NEB: variants seen among roughly 807,000 people sequenced by gnomAD.
NEB encodes the protein nebulin, also known as nemaline myopathy type 2.
In NEB, 512 loss-of-function variants were observed where a neutral mutation model predicts 952.2. The observed-to-expected ratio is 0.54, with a 90% CI of 0.50 to 0.58. The LOEUF is 0.58. Ranked by LOEUF, NEB falls within the 20% of genes least tolerant of loss-of-function variation. The pLI, the probability that NEB is intolerant of heterozygous loss-of-function variation, is 0.00. For missense variants in NEB, 8,428 were observed against 9,231.1 expected (o/e 0.91, Z 3.56); for synonymous variants, 2,900 against 3,149.8 (o/e 0.92, Z 2.66).
chr2:151,721,766 A>G (rs1237921931), intron 9 of NEB, among the ~76,000 whole-genome samples: 2 of 152,238 alleles, frequency 1.3e-5, no homozygotes, highest in Non-Finnish European at 2.9e-5. Flanking sequence ...GCCATGTAAC[A>G]ATATTGTGAA....
intron 124 of NEB, among the ~76,000 whole-genome samples, chr2:151,560,277 G>A (rs1045937804): frequency 2.0e-5 from 3 of 152,106 alleles, no homozygotes; most frequent in African/African-American, 2.4e-5. Context: ...GTCTATTTCT[G>A]TAAGGTGTAT....
rs753180567 is a variant in NEB, at chr2:151,541,461, T to C, written c.20668A>G (p.Lys6890Glu). ...TCTGAGCTTACCTGACTCTGAAGCT[T>C]CTGCCCTCGCTTGGCTCTTAAAAGA... ...PDLLRAKRGQ[K>E]LQSQYLYVEL... The change falls in exon 136 of 182, where the codon AAG (lysine) becomes GAG (glutamate). Residue 6890 changes from lysine to glutamate, a missense_variant. Transcript: ENST00000397345. 1 of 1,612,566 alleles carries C rather than the reference T, an allele frequency of 6.2e-7. No individual in the cohort carries two copies. Among genetic ancestry groups the C allele is most frequent in the Non-Finnish European group, 8.5e-7 (1 of 1,179,140 alleles).
At position 151,497,736 on chromosome 2, in the gene NEB, A is replaced by C; in HGVS notation, c.24208-18T>G. The C allele has an allele frequency of 6.4e-7, 1 of 1,561,214 alleles. No homozygotes were observed. On this transcript the variant is annotated intron_variant, in intron 170 of 181. Coordinates refer to ENST00000397345, the MANE Select transcript of NEB (RefSeq NM_001164508.2). ...TATAACACCTGTGCGATAAGAAAGC[A>C]TCCAGAAAAACAACCATGAGTAACA...
chr2:151,567,374 GA>G lies in NEB; in HGVS notation c.17949del (p.Gln5984ArgfsTer93). On this transcript the variant is annotated frameshift_variant, in exon 114 of 182. Transcript: ENST00000397345. LOFTEE classifies it high-confidence loss of function. ...TCCTCTTTGTATAGTCTCTCATTCT[GA>G]ATCTGGCCTGCATGCTCAAACCAAA... is the stretch of plus-strand genomic sequence containing the variant. ...KLVWFEHAGQ[I>X]QNERLYKEDY... is the part of the protein sequence containing the mutation. 1 of 1,613,834 alleles carries G rather than the reference GA, an allele frequency of 6.2e-7. No individual in the cohort carries two copies. The highest frequency in any genetic ancestry group is 1.1e-5 in the South Asian group (1 of 91,082).
intron 161 of NEB, among the ~76,000 whole-genome samples, chr2:151,511,227 T>C (rs1193893381): frequency 1.3e-5 from 2 of 152,194 alleles, no homozygotes; most frequent in African/African-American, 2.4e-5. Flanking sequence ...ACATGGTAAT[T>C]TGGAGCCCAT....
At chr2:151,628,633 G>A (rs1243435269) in intron 68 of NEB, among the ~76,000 whole-genome samples, 1 of 152,072 alleles carries the variant, frequency 6.6e-6, no homozygotes, top group Admixed American at 6.6e-5. Context: ...CTGAGGTCAG[G>A]AGTTTGAGAC....
At chr2:151,622,227 T>A (rs1343204912) in intron 71 of NEB, among the ~76,000 whole-genome samples, 1 of 152,086 alleles carries the variant, frequency 6.6e-6, no homozygotes, top group Admixed American at 6.6e-5. Flanking sequence ...ACTCAAGTGA[T>A]CCCTCCTGCC....
chr2:151,653,592 T>C (rs547028423), intron 52 of NEB, among the ~76,000 whole-genome samples: 1 of 152,346 alleles, frequency 6.6e-6, no homozygotes, highest in Admixed American at 6.5e-5. Context: ...TTTTAAAATA[T>C]GTGCATATAA....
chr2:151,547,404 A>G (rs1312602829), intron 133 of NEB, 25 bp downstream of exon 133: 1 of 1,542,554 alleles, frequency 6.5e-7, no homozygotes, highest in Middle Eastern at 1.7e-4. Context: ...AGACTACTCC[A>G]GAAAGACCCC....
chr2:151,514,955 G>C, intron 157 of NEB, 27 bp from the exon 158 acceptor site: 2 of 1,404,502 alleles, frequency 1.4e-6, no homozygotes, highest in Non-Finnish European at 2.0e-6. Context: ...GGAAAGACAA[G>C]TTAAAAAAAA....
chr2:151,692,631 A>T (rs1420587361), intron 20 of NEB, among the ~76,000 whole-genome samples: 2 of 152,078 alleles, frequency 1.3e-5, no homozygotes, highest in African/African-American at 4.8e-5. Flanking sequence ...GTCTTTTTTT[A>T]AATAATTTTT....
chr2:151,519,831 T>G, intron 153 of NEB, 63 bp from the exon 154 acceptor site: 1 of 1,089,610 alleles, frequency 9.2e-7, no homozygotes, highest in Non-Finnish European at 1.4e-6. Flanking sequence ...AATTGGGGAA[T>G]AGTAGAAACA....
intron 13 of NEB, among the ~76,000 whole-genome samples, chr2:151,701,663 G>A (rs1414741823): frequency 6.6e-6 from 1 of 151,366 alleles, no homozygotes; most frequent in African/African-American, 2.4e-5. Context: ...AGAGGTGTTT[G>A]TAGTATTCTT....
chr2:151,665,636 C>T (rs1260921318), intron 41 of NEB, 97 bp from the exon 42 acceptor site: 2 of 1,059,542 alleles, frequency 1.9e-6, no homozygotes, highest in East Asian at 5.2e-5. Context: ...AAAAGAGAAG[C>T]TGGGAGGGGG....
Position 151,541,524 on chromosome 2 carries a change from G to T in NEB, c.20605C>A (p.Gln6869Lys), listed in dbSNP as rs2094064869. 1 of 1,613,342 alleles carries T rather than the reference G, an allele frequency of 6.2e-7. No individual in the cohort carries two copies. Among genetic ancestry groups the T allele is most frequent in the Non-Finnish European group, 8.5e-7 (1 of 1,179,562 alleles). The change falls in exon 136 of 182, where the codon CAG becomes AAG. Residue 6869 changes from glutamine (Q) to lysine (K), a missense_variant. By Grantham distance (53) the Gln-to-Lys change is moderately conservative. Transcript: ENST00000397345. The stretch of plus-strand genomic sequence containing the variant: ...GGAACTGAAGTAAAGATTGACTTCT[G>T]CTTCTTGCCTGCAGCTCTGTAGACC... The part of the protein sequence containing the change: ...ELVYRAAGKK[Q>K]KSIFTSVPDT...
At chr2:151,705,277 A>G (rs190335341) in intron 13 of NEB, among the ~76,000 whole-genome samples, 4 of 152,346 alleles carry the variant, frequency 2.6e-5, no homozygotes, top group Non-Finnish European at 4.4e-5. Context: ...AGTTTTAAAT[A>G]TGCAGCTGAT....
At chr2:151,487,348 A>G (rs1380873848) in intron 181 of NEB, among the ~76,000 whole-genome samples, 2 of 152,244 alleles carry the variant, frequency 1.3e-5, no homozygotes, top group South Asian at 2.1e-4. Context: ...GTAGTTTTGG[A>G]TGTAACCTAT....
intron 55 of NEB, 28 bp downstream of exon 55, chr2:151,646,102 A>T: frequency 6.7e-7 from 1 of 1,489,360 alleles, no homozygotes; most frequent in Non-Finnish European, 9.2e-7. Flanking sequence ...GAGCTTTCTG[A>T]AAACACATGC....
chr2:151,486,122 CAATT>C (rs1331889120), intron 181 of NEB, among the ~76,000 whole-genome samples, 189 bp from the exon 182 acceptor site: 1 of 152,108 alleles, frequency 6.6e-6, no homozygotes, highest in Non-Finnish European at 1.5e-5. Context: ...ATCTGATAGG[CAATT>C]AATATCCAGA....
Sources: gnomAD v4.1 joint callset for allele counts (sites outside exome capture counted in the v4.1 genomes callset) on GRCh38, gnomAD v4.1.1 for gene constraint, MANE v1.5 for transcripts, NCBI Gene and HGNC (gene_info 2026-07-23, HGNC 2026-07-21) for gene names.